PPP2R2A: variants seen among roughly 807,000 people sequenced by gnomAD.
PPP2R2A encodes the protein protein phosphatase 2 regulatory subunit Balpha.
PPP2R2A carries 9 observed loss-of-function variants against 53.2 expected under a neutral mutation model. The ratio of observed to expected loss-of-function variants is 0.17; its 90% CI spans 0.10 to 0.30. The LOEUF is 0.30. Among genes scored for constraint, PPP2R2A ranks in the 10% least tolerant of loss-of-function variants. PPP2R2A has a pLI of 1.00. For synonymous variants in PPP2R2A, 169 were observed against 174.2 expected (o/e 0.97, Z 0.23); for missense variants, 235 against 534.6 (o/e 0.44, Z 5.53).
At chr8:26,294,266 TG>T (rs554052215) in intron 2 of PPP2R2A, among the ~76,000 whole-genome samples, 57 of 152,344 alleles carry the variant, frequency 3.7e-4, no homozygotes, top group African/African-American at 1.3e-3. Flanking sequence ...TTCATTTTGT[TG>T]TCTTTCTGGT....
At chr8:26,300,005 A>G (rs1444945340) in intron 2 of PPP2R2A, among the ~76,000 whole-genome samples, 4 of 152,232 alleles carry the variant, frequency 2.6e-5, no homozygotes, top group Non-Finnish European at 4.4e-5. Flanking sequence ...CACTCAGTAC[A>G]GTCACTTAAA....
At chr8:26,310,012 G>T (rs191715272) in intron 2 of PPP2R2A, among the ~76,000 whole-genome samples, 1 of 151,546 alleles carries the variant, frequency 6.6e-6, no homozygotes, top group Non-Finnish European at 1.5e-5. Flanking sequence ...GCCAGGCGTG[G>T]TGGCTCACCC....
chr8:26,358,025 A>T (rs1007252365), intron 4 of PPP2R2A, among the ~76,000 whole-genome samples: 12 of 151,928 alleles, frequency 7.9e-5, no homozygotes, highest in African/African-American at 2.4e-4. Context: ...CTGATTTTTT[A>T]AAAATTTATG....
chr8:26,357,729 T>A (rs1317975015), intron 4 of PPP2R2A, among the ~76,000 whole-genome samples: 4 of 152,056 alleles, frequency 2.6e-5, no homozygotes, highest in African/African-American at 9.7e-5. Context: ...CAGCGTGGTT[T>A]TCCCTGCTCA....
At chr8:26,292,062 G>T in intron 1 of PPP2R2A, 2 of 1,250,568 alleles carry the variant, frequency 1.6e-6, no homozygotes, top group East Asian at 3.5e-5. Flanking sequence ...GGGTGGGGGT[G>T]GGGTGTGCCG....
intron 3 of PPP2R2A, among the ~76,000 whole-genome samples, chr8:26,348,783 G>C (rs1052917282): frequency 6.6e-5 from 10 of 152,140 alleles, no homozygotes; most frequent in African/African-American, 2.2e-4. Flanking sequence ...GGAAAAATGT[G>C]TATCATTTCC....
chr8:26,362,085 TAATTA>T lies in PPP2R2A; in HGVS notation c.638-598_638-594del, dbSNP rs905865929. Among the ~76,000 whole-genome samples the T allele has an allele frequency of 6.6e-6, 1 of 150,626 alleles. No homozygotes were observed. The highest frequency in any genetic ancestry group is 2.1e-4 in the South Asian group (1 of 4,814). ...AATTTTAAGATTAGAAAAAGATTAA[TAATTA>T]GATTAGATTAGAAAAAGATTAGAAA... On this transcript the variant is annotated intron_variant, in intron 6 of 9. Transcript: ENST00000380737. This position sits in a 1 kb window ranked among gnomAD's most constrained non-coding sequence, Gnocchi z 4.4.
rs779415792 is a variant in PPP2R2A at position 26,334,827 on chromosome 8, G to A, written c.83-4063G>A. Reference sequence around the variant, plus strand: ...ACCTGTGCTGTCCAGTCTGGTAGCCGCTAGCTACATATGGGTATCAGAACA... The same window carrying A: ...ACCTGTGCTGTCCAGTCTGGTAGCCACTAGCTACATATGGGTATCAGAACA... On this transcript the variant is annotated intron_variant, in intron 2 of 9. Transcript: ENST00000380737. Among the ~76,000 whole-genome samples, 163 of 152,154 alleles carry A rather than the reference G, an allele frequency of 1.1e-3. 1 individual carries two copies. Among genetic ancestry groups the A allele is most frequent in the Non-Finnish European group, 1.9e-3 (132 of 68,024 alleles).
Position 26,292,349 on chromosome 8 carries a change from A to G in PPP2R2A, c.7+523A>G, listed in dbSNP as rs571809294. On this transcript the variant is annotated intron_variant, in intron 1 of 9. Coordinates refer to ENST00000380737, the MANE Select transcript of PPP2R2A (RefSeq NM_002717.4). The stretch of plus-strand genomic sequence containing the variant: ...TATTTTTTCCCCACTGTAGATGCCA[A>G]TATTTTTGAGACTGGAAGCCTAAAT... 8.2e-5 allele frequency: 81 copies of G among 986,356 alleles called. No individual in the cohort carries two copies. The African/African-American group carries it at 1.1e-3, about 13-fold the overall frequency. The allele number at this position is 986,356 out of a possible 1,614,324, so 61.1% of individuals were successfully genotyped here.
At chr8:26,318,539 G>A (rs1802679421) in intron 2 of PPP2R2A, among the ~76,000 whole-genome samples, 1 of 152,206 alleles carries the variant, frequency 6.6e-6, no homozygotes, top group South Asian at 2.1e-4. Flanking sequence ...TAGGTACACA[G>A]GAATTCATAT....
intron 2 of PPP2R2A, among the ~76,000 whole-genome samples, chr8:26,331,987 A>C (rs1803401951): frequency 6.6e-6 from 1 of 152,200 alleles, no homozygotes; most frequent in African/African-American, 2.4e-5. Context: ...AGGGTTTGTC[A>C]GCATCTTAAG....
intron 2 of PPP2R2A, among the ~76,000 whole-genome samples, chr8:26,303,326 A>G (rs931971198): frequency 4.6e-5 from 7 of 152,292 alleles, no homozygotes; most frequent in East Asian, 3.9e-4. Context: ...TTTCCCCACA[A>G]TGTCTGCTCA....
rs1216295794 is a variant in PPP2R2A, at chr8:26,292,186, TA to T, written c.7+361del. 5 of 1,147,742 alleles carry T rather than the reference TA, an allele frequency of 4.4e-6. No individual in the cohort carries two copies. In the African/African-American group the frequency reaches 8.1e-5, roughly 19 times the overall value. The allele number at this position is 1,147,742 out of a possible 1,614,324, so 71.1% of individuals were successfully genotyped here. A position where few individuals can be genotyped will look rare whatever the true frequency, so the allele number is the denominator to read the frequency against. ...ACCTCCCCACCTTGCCCCCCGCCTT[TA>T]TTTTTTTTTCCTGCAGGTCTTCATT... On this transcript the variant is annotated intron_variant, in intron 1 of 9. Coordinates refer to ENST00000380737, the MANE Select transcript of PPP2R2A (RefSeq NM_002717.4).
chr8:26,330,932 G>C (rs1342257338), intron 2 of PPP2R2A, among the ~76,000 whole-genome samples: 1 of 152,136 alleles, frequency 6.6e-6, no homozygotes, highest in East Asian at 1.9e-4. Context: ...TTAGTCTTTA[G>C]TGCTGATTTA....
chr8:26,335,153 G>C (rs558283786), intron 2 of PPP2R2A, among the ~76,000 whole-genome samples: 1 of 152,290 alleles, frequency 6.6e-6, no homozygotes, highest in South Asian at 2.1e-4. Context: ...AGCTGCTTCA[G>C]CGTGCTCCCT....
chr8:26,311,913 A>G (rs1209617067), intron 2 of PPP2R2A, among the ~76,000 whole-genome samples: 3 of 152,038 alleles, frequency 2.0e-5, no homozygotes, highest in Non-Finnish European at 4.4e-5. Flanking sequence ...GCAGGGAGGG[A>G]TGGAGTTTGG....
At chr8:26,353,761 GT>G (rs1804633160) in intron 3 of PPP2R2A, among the ~76,000 whole-genome samples, 1 of 152,136 alleles carries the variant, frequency 6.6e-6, no homozygotes, top group South Asian at 2.1e-4. Flanking sequence ...AATGAAATTA[GT>G]CATCAGTGTG....
At chr8:26,357,913 T>A (rs1804877452) in intron 4 of PPP2R2A, among the ~76,000 whole-genome samples, 1 of 152,132 alleles carries the variant, frequency 6.6e-6, no homozygotes, top group Non-Finnish European at 1.5e-5. Context: ...TTTTACATAA[T>A]CTCACATACA....
At chr8:26,339,127 C>A in intron 3 of PPP2R2A, 140 bp downstream of exon 3, 1 of 612,648 alleles carries the variant, frequency 1.6e-6, no homozygotes. Context: ...AATATATAGA[C>A]AGCTCTGGTT....
Sources: gnomAD v4.1 joint callset for allele counts (sites outside exome capture counted in the v4.1 genomes callset) on GRCh38, gnomAD v4.1.1 for gene constraint, Gnocchi (gnomAD v3.1) non-coding constraint, MANE v1.5 for transcripts, NCBI Gene and HGNC (gene_info 2026-07-23, HGNC 2026-07-21) for gene names.